Variants in MARK1 observed in about 807,000 individuals in gnomAD.
The protein encoded by MARK1 is serine/threonine-protein kinase MARK1.
In MARK1, 40 loss-of-function variants were observed where a neutral mutation model predicts 96.3. The observed-to-expected ratio is 0.42, with a 90% CI of 0.32 to 0.54. The LOEUF is 0.54. MARK1 is among the 20% of genes least tolerant of loss of function. The pLI is 0.16. For synonymous variants in MARK1, 317 were observed against 341.2 expected, an observed-to-expected ratio of 0.93 and a Z score of 0.78; for missense variants, 719 against 984.6, an observed-to-expected ratio of 0.73 and a Z score of 3.61.
intron 6 of MARK1, among the ~76,000 whole-genome samples, chr1:220,614,857 T>C (rs190504832): frequency 1.3e-5 from 2 of 152,286 alleles, no homozygotes; most frequent in East Asian, 3.9e-4. Flanking sequence ...ATTAGAATAA[T>C]TTTATAATAC....
chr1:220,538,546 C>CT (rs1660889836), intron 1 of MARK1, among the ~76,000 whole-genome samples: 1 of 151,986 alleles, frequency 6.6e-6, no homozygotes, highest in Non-Finnish European at 1.5e-5. Flanking sequence ...ATTGACTTGG[C>CT]GATGTGGGCT....
In MARK1 at chr1:220,581,023, T is replaced by C. The variant is rs185724595; in HGVS notation, c.256-42T>C. 618 of 808,496 alleles carry C rather than the reference T, an allele frequency of 7.6e-4. No homozygotes were observed. In the African/African-American group the frequency reaches 9.7e-3, roughly 13 times the overall value. 50.1% of individuals were successfully genotyped at this position (808,496 alleles called of 1,614,324 possible). A position where few individuals can be genotyped will look rare whatever the true frequency, so the allele number is the denominator to read the frequency against. ...TTTTTGAAAGTTTTATTCATTAAAA[T>C]ATGCATTTTTCAAATAGAGTTTAAT... On this transcript the variant is annotated intron_variant, in intron 2 of 17. Coordinates refer to ENST00000366917, the MANE Select transcript of MARK1 (RefSeq NM_018650.5).
At chr1:220,631,968 C>A (rs1199653133) in intron 10 of MARK1, among the ~76,000 whole-genome samples, 1 of 152,044 alleles carries the variant, frequency 6.6e-6, no homozygotes, top group Non-Finnish European at 1.5e-5. Flanking sequence ...ATTAAGTGGG[C>A]CCATTAATAT....
chr1:220,586,777 C>T (rs967815182), intron 3 of MARK1, among the ~76,000 whole-genome samples: 2 of 152,174 alleles, frequency 1.3e-5, no homozygotes, highest in Admixed American at 1.3e-4. Flanking sequence ...GACTAACTAT[C>T]TGGCTGTTTT....
intron 1 of MARK1, among the ~76,000 whole-genome samples, chr1:220,534,595 G>A (rs1660552664): frequency 6.6e-6 from 1 of 151,968 alleles, no homozygotes; most frequent in African/African-American, 2.4e-5. Context: ...TTCATCCATA[G>A]GCACAATATT....
intron 3 of MARK1, among the ~76,000 whole-genome samples, chr1:220,593,500 A>G (rs542611538): frequency 1.3e-5 from 2 of 152,234 alleles, no homozygotes; most frequent in African/African-American, 4.8e-5. Flanking sequence ...GTCTGCTCAT[A>G]TTACTTGTGA....
At chr1:220,596,259 TGA>T (rs781653401) in intron 3 of MARK1, among the ~76,000 whole-genome samples, 9 of 152,168 alleles carry the variant, frequency 5.9e-5, no homozygotes, top group African/African-American at 1.7e-4. Context: ...AGTGGAAGAC[TGA>T]GAGGGGTCAT....
At position 220,609,364 on chromosome 1, in the gene MARK1, C is replaced by T. The variant is rs572317217; in HGVS notation, c.495+5227C>T. 4.6e-5 allele frequency among the ~76,000 whole-genome samples: 7 copies of T among 152,300 alleles called. No individual in the cohort carries two copies. In the South Asian group the frequency reaches 1.4e-3, roughly 32 times the overall value. On this transcript the variant is annotated intron_variant, in intron 6 of 17. Coordinates refer to ENST00000366917, the MANE Select transcript of MARK1 (RefSeq NM_018650.5). ...AGTTTAAAGTTTGTTTTATCAGAGA[C>T]TAGGATTGCAACCCCTGCTTTTTTT...
Position 220,662,636 on chromosome 1 carries a change from C to A in MARK1, c.*470C>A. ...ATAGCCTTTACAATTGTAGCATGGA[C>A]CTTTAAAAATTGTTTTAAAATCTTA... On this transcript the variant is annotated 3_prime_UTR_variant, in exon 18 of 18. Coordinates refer to ENST00000366917, the MANE Select transcript of MARK1 (RefSeq NM_018650.5). 1 of 153,806 alleles carries A rather than the reference C, an allele frequency of 6.5e-6. No individual in the cohort carries two copies. The highest frequency in any genetic ancestry group is 1.5e-5 in the Non-Finnish European group (1 of 68,842). The allele number at this position is 153,806 out of a possible 1,614,324, so 9.5% of individuals were successfully genotyped here. A position where few individuals can be genotyped will look rare whatever the true frequency, so the allele number is the denominator to read the frequency against.
At chr1:220,576,002 T>TCCCTCCCTCC (rs1558269802) in intron 1 of MARK1, among the ~76,000 whole-genome samples, 1 of 38,710 alleles carries the variant, frequency 2.6e-5, no homozygotes, top group Non-Finnish European at 9.5e-5. Flanking sequence ...TTTTTTTTCT[T>TCCCTCCCTCC]CTCTCCCTCC....
At chr1:220,628,579 C>T (rs146333673) in intron 9 of MARK1, among the ~76,000 whole-genome samples, 2,190 of 152,196 alleles carry the variant, frequency 0.014, 28 homozygotes, top group Middle Eastern at 0.044. Flanking sequence ...GGTTTTTCTT[C>T]TTGGATTTCT....
At position 220,579,459 on chromosome 1, in the gene MARK1, G is replaced by C; in HGVS notation, c.157G>C (p.Glu53Gln). 1 of 1,614,002 alleles carries C rather than the reference G, an allele frequency of 6.2e-7. No individual in the cohort carries two copies. The highest frequency in any genetic ancestry group is 8.5e-7 in the Non-Finnish European group (1 of 1,179,958). Reference protein sequence around the residue: ...CRNSITSATDEQPHIGNYRLQ... With the variant: ...CRNSITSATDQQPHIGNYRLQ... ...AAACTCCATTACGTCAGCAACAGAT[G>C]AACAGCCTCACATTGGAAATTACCG... The change falls in exon 2 of 18, where the codon GAA becomes CAA. Residue 53 changes from glutamate (E) to glutamine (Q), a missense_variant. Transcript: ENST00000366917.
chr1:220,581,416 A>G (rs1664234046), intron 3 of MARK1, among the ~76,000 whole-genome samples: 1 of 152,204 alleles, frequency 6.6e-6, no homozygotes. Context: ...AATATTTTGA[A>G]GTATTTTCAA....
intron 1 of MARK1, among the ~76,000 whole-genome samples, chr1:220,546,700 C>T (rs1449468334): frequency 6.6e-6 from 1 of 152,210 alleles, no homozygotes; most frequent in Non-Finnish European, 1.5e-5. Context: ...TGGCTGGGTG[C>T]AGTGGCTCAC....
intron 17 of MARK1, among the ~76,000 whole-genome samples, chr1:220,660,971 G>A (rs1669445957): frequency 6.6e-6 from 1 of 152,184 alleles, no homozygotes; most frequent in South Asian, 2.1e-4. Flanking sequence ...AGCAGGCTAA[G>A]GGGGCTTGGC....
At chr1:220,648,154 A>G (rs756247885) in intron 13 of MARK1, among the ~76,000 whole-genome samples, 18 of 152,162 alleles carry the variant, frequency 1.2e-4, no homozygotes, top group Non-Finnish European at 2.6e-4. Context: ...TGCTATAGTA[A>G]GTATAAAATA....
chr1:220,628,261 C>T (rs1001480926), intron 9 of MARK1, among the ~76,000 whole-genome samples: 1 of 152,178 alleles, frequency 6.6e-6, no homozygotes, highest in Non-Finnish European at 1.5e-5. Flanking sequence ...ACGTGAATCT[C>T]TTCCACTAAA....
chr1:220,633,908 A>C (rs997266546), intron 11 of MARK1, among the ~76,000 whole-genome samples: 1 of 152,218 alleles, frequency 6.6e-6, no homozygotes, highest in Non-Finnish European at 1.5e-5. Flanking sequence ...TCTGAATTGG[A>C]GGGAGAGATT....
intron 1 of MARK1, among the ~76,000 whole-genome samples, chr1:220,549,037 A>T (rs536271446): frequency 6.6e-4 from 100 of 152,308 alleles, no homozygotes; most frequent in Admixed American, 6.0e-3. Flanking sequence ...ATACAGGCTC[A>T]GCCACTCCCT....
Sources: gnomAD v4.1 joint callset for allele counts (sites outside exome capture counted in the v4.1 genomes callset) on GRCh38, gnomAD v4.1.1 for gene constraint, MANE v1.5 for transcripts, NCBI Gene and HGNC (gene_info 2026-07-23, HGNC 2026-07-21) for gene names.